CSNK1G1: variants seen among roughly 807,000 people sequenced by gnomAD.
The protein encoded by CSNK1G1 is casein kinase I isoform gamma-1.
CSNK1G1 carries 22 observed loss-of-function variants against 59.6 expected under a neutral mutation model. The ratio of observed to expected loss-of-function variants is 0.37; its 90% CI spans 0.26 to 0.53. The LOEUF (loss-of-function observed/expected upper bound fraction) is 0.53. CSNK1G1 is among the 20% of genes least tolerant of loss of function. The pLI is 0.89. For missense variants in CSNK1G1, 384 were observed against 519.5 expected (o/e 0.74, Z 2.54); for synonymous variants, 179 against 177.1 (o/e 1.01, Z -0.08).
At chr15:64,197,291 C>G (rs1419205929) in intron 10 of CSNK1G1, among the ~76,000 whole-genome samples, 1 of 152,218 alleles carries the variant, frequency 6.6e-6, no homozygotes, top group African/African-American at 2.4e-5. Flanking sequence ...ACTCTTTAGG[C>G]ATTATCATCA....
intron 4 of CSNK1G1, among the ~76,000 whole-genome samples, chr15:64,246,196 T>C (rs1891744619): frequency 6.6e-6 from 1 of 152,230 alleles, no homozygotes; most frequent in Non-Finnish European, 1.5e-5. Flanking sequence ...AAATATCACA[T>C]ATATCCCATA....
chr15:64,319,165 T>C (rs2140435905), intron 1 of CSNK1G1, among the ~76,000 whole-genome samples: 1 of 152,286 alleles, frequency 6.6e-6, no homozygotes, highest in Non-Finnish European at 1.5e-5. Context: ...AAACTTACAT[T>C]TATAATATCA....
chr15:64,201,165 G>C (rs2082101056), intron 10 of CSNK1G1, among the ~76,000 whole-genome samples: 1 of 151,590 alleles, frequency 6.6e-6, no homozygotes, highest in South Asian at 2.1e-4. Context: ...CCAGCTACTT[G>C]GGAGGCTGAG....
At chr15:64,230,891 A>C (rs2082538961) in intron 4 of CSNK1G1, among the ~76,000 whole-genome samples, 1 of 151,900 alleles carries the variant, frequency 6.6e-6, no homozygotes, top group Non-Finnish European at 1.5e-5. Context: ...GGAGAATGGC[A>C]TGAACCCAGG....
chr15:64,181,429 G>A, intron 10 of CSNK1G1: 1 of 1,525,196 alleles, frequency 6.6e-7, no homozygotes, highest in Non-Finnish European at 8.8e-7. Flanking sequence ...TAAAGACCTT[G>A]GCTGAAACAT....
At chr15:64,202,261 G>A (rs2082118317) in intron 10 of CSNK1G1, among the ~76,000 whole-genome samples, 1 of 152,188 alleles carries the variant, frequency 6.6e-6, no homozygotes, top group Admixed American at 6.5e-5. Context: ...GCCCAAGTCA[G>A]TTGGAAGTCC....
At chr15:64,224,419 C>T (rs1194180212) in intron 4 of CSNK1G1, among the ~76,000 whole-genome samples, 5 of 151,668 alleles carry the variant, frequency 3.3e-5, no homozygotes, top group African/African-American at 4.8e-5. Flanking sequence ...TTGTAAGTAA[C>T]GAAAGGGAAA....
At chr15:64,242,812 C>T (rs145405923) in intron 4 of CSNK1G1, among the ~76,000 whole-genome samples, 1 of 152,252 alleles carries the variant, frequency 6.6e-6, no homozygotes, top group South Asian at 2.1e-4. Context: ...TCCTCATGAA[C>T]ATAGATGCAA....
At chr15:64,339,281 C>A (rs1897564978) in intron 1 of CSNK1G1, among the ~76,000 whole-genome samples, 1 of 152,068 alleles carries the variant, frequency 6.6e-6, no homozygotes, top group South Asian at 2.1e-4. Flanking sequence ...GGGGTGAGGA[C>A]CAGCAATCTG....
At chr15:64,341,367 T>C (rs1293168949) in intron 1 of CSNK1G1, among the ~76,000 whole-genome samples, 2 of 152,172 alleles carry the variant, frequency 1.3e-5, no homozygotes, top group Non-Finnish European at 2.9e-5. Context: ...CTCAATCTCC[T>C]GACCTCATGA....
intron 1 of CSNK1G1, among the ~76,000 whole-genome samples, chr15:64,318,576 T>C (rs1896393939): frequency 6.6e-6 from 1 of 151,850 alleles, no homozygotes; most frequent in Non-Finnish European, 1.5e-5. Context: ...AGACAGGCTC[T>C]CACTCTGTTG....
intron 1 of CSNK1G1, among the ~76,000 whole-genome samples, chr15:64,321,984 T>C (rs1280704300): frequency 6.6e-6 from 1 of 152,240 alleles, no homozygotes; most frequent in Non-Finnish European, 1.5e-5. Context: ...TTATCTAACA[T>C]TTTACTGTAT....
chr15:64,296,525 C>T (rs987462366), intron 2 of CSNK1G1, among the ~76,000 whole-genome samples: 24 of 152,310 alleles, frequency 1.6e-4, no homozygotes, highest in African/African-American at 4.1e-4. Context: ...TATTTCTATC[C>T]TTCCCAGAGT....
At chr15:64,342,660 G>A (rs1369419621) in intron 1 of CSNK1G1, 1 of 152,134 alleles carries the variant, frequency 6.6e-6, no homozygotes, top group African/African-American at 2.4e-5. Context: ...CTTGGCTCTT[G>A]GTCTGTGCCC....
chr15:64,315,138 G>A (rs1013364629), intron 1 of CSNK1G1, among the ~76,000 whole-genome samples: 2 of 152,012 alleles, frequency 1.3e-5, no homozygotes, highest in African/African-American at 4.8e-5. Context: ...ACAAGTATTG[G>A]TGCGGATGAG....
intron 2 of CSNK1G1, among the ~76,000 whole-genome samples, chr15:64,293,510 A>G (rs970960337): frequency 6.6e-6 from 1 of 152,260 alleles, no homozygotes; most frequent in African/African-American, 2.4e-5. Flanking sequence ...AAAGTGAAAC[A>G]TCTTTTTGGA....
intron 1 of CSNK1G1, among the ~76,000 whole-genome samples, chr15:64,347,851 A>C (rs917171949): frequency 5.3e-5 from 8 of 151,624 alleles, no homozygotes; most frequent in African/African-American, 1.9e-4. Context: ...ACTAAAATAC[A>C]AAAAATTAGC....
At chr15:64,306,855 A>G (rs1895707997) in intron 1 of CSNK1G1, among the ~76,000 whole-genome samples, 1 of 152,190 alleles carries the variant, frequency 6.6e-6, no homozygotes, top group Non-Finnish European at 1.5e-5. Context: ...CCTAAAATGC[A>G]TATTGCTAAG....
chr15:64,198,969 T>C (rs1165572845), intron 10 of CSNK1G1, among the ~76,000 whole-genome samples: 1 of 151,024 alleles, frequency 6.6e-6, no homozygotes, highest in East Asian at 1.9e-4. Flanking sequence ...ATTAAAAAAA[T>C]AGGGCCAGGC....
Sources: gnomAD v4.1 joint callset for allele counts (sites outside exome capture counted in the v4.1 genomes callset) on GRCh38, gnomAD v4.1.1 for gene constraint, MANE v1.5 for transcripts, NCBI Gene and HGNC (gene_info 2026-07-23, HGNC 2026-07-21) for gene names.